The following FSTL5 variants were observed in gnomAD, a reference collection of about 807,000 sequenced individuals.
The protein encoded by FSTL5 is follistatin-related protein 5.
A neutral mutation model predicts 89.1 loss-of-function variants in FSTL5; 62 were observed. The observed-to-expected ratio is 0.70, with a 90% CI of 0.57 to 0.86. FSTL5 has a LOEUF of 0.86. FSTL5 is among the 40% of genes least tolerant of loss of function. The probability of loss-of-function intolerance (pLI) is 0.00; values close to 1 mark genes in which losing one functional copy is unlikely to be tolerated. For synonymous variants in FSTL5, 383 were observed against 346.2 expected (o/e 1.11, Z -1.18); for missense variants, 1,057 against 1,001.6 (o/e 1.06, Z -0.75).
chr4:161,409,948 T>C (rs1210693857), intron 15 of FSTL5, among the ~76,000 whole-genome samples: 1 of 152,038 alleles, frequency 6.6e-6, no homozygotes, highest in African/African-American at 2.4e-5. Flanking sequence ...GCACGTTGCA[T>C]AAAAAAACAA....
intron 4 of FSTL5, among the ~76,000 whole-genome samples, chr4:161,844,060 A>G (rs1731293007): frequency 2.0e-5 from 3 of 152,214 alleles, no homozygotes; most frequent in Admixed American, 1.3e-4. Context: ...GCAAAGGGCT[A>G]ATATCCAGAA....
chr4:161,556,484 T>A (rs1206506800), intron 8 of FSTL5, among the ~76,000 whole-genome samples: 1 of 151,578 alleles, frequency 6.6e-6, no homozygotes, highest in Non-Finnish European at 1.5e-5. Context: ...AGATTTTGAT[T>A]ACAAGCTATA....
At chr4:161,401,759 C>T (rs1443358094) in intron 15 of FSTL5, among the ~76,000 whole-genome samples, 6 of 152,136 alleles carry the variant, frequency 3.9e-5, no homozygotes. Context: ...CATCTCCTGA[C>T]CTCATGATCT....
chr4:162,133,914 C>G (rs1732417427), intron 1 of FSTL5, among the ~76,000 whole-genome samples: 1 of 152,204 alleles, frequency 6.6e-6, no homozygotes, highest in South Asian at 2.1e-4. Context: ...CTGAGATTCT[C>G]TGACGACCTT....
At chr4:162,151,787 A>G (rs1044384509) in intron 1 of FSTL5, among the ~76,000 whole-genome samples, 10 of 152,178 alleles carry the variant, frequency 6.6e-5, no homozygotes, top group African/African-American at 2.2e-4. Flanking sequence ...ATATTTAAAC[A>G]ATTCCGAATT....
intron 4 of FSTL5, among the ~76,000 whole-genome samples, chr4:161,851,137 T>C (rs922864379): frequency 6.6e-6 from 1 of 152,316 alleles, no homozygotes; most frequent in East Asian, 1.9e-4. Context: ...CTAGTAATTA[T>C]TATTCCTATT....
chr4:161,424,606 A>G (rs1021444173), intron 15 of FSTL5, among the ~76,000 whole-genome samples: 3 of 152,090 alleles, frequency 2.0e-5, no homozygotes, highest in African/African-American at 7.2e-5. Context: ...AAGAAAGGGA[A>G]TATTGCTTCT....
In FSTL5 at chr4:161,460,936, CATTGCATACTCTGTATGT is replaced by C. The variant is rs745335423; in HGVS notation, c.1609-1635_1609-1618del. Among the ~76,000 whole-genome samples the C allele has an allele frequency of 9.1e-4, 137 of 151,046 alleles. No individual in the cohort carries two copies. The Middle Eastern group carries it at 0.014, about 15-fold the overall frequency. On this transcript the variant is annotated intron_variant, in intron 13 of 15. Coordinates refer to ENST00000306100, the MANE Select transcript of FSTL5 (RefSeq NM_020116.5). ...CTCTTCAGAGGCTTAAGAGTGGTCA[CATTGCATACTCTGTATGT>C]ATTGCATACTCTGTATGTATTGTAG... is the stretch of plus-strand genomic sequence containing the variant.
In FSTL5 at chr4:161,455,074, C is replaced by T. The variant is rs746586587; in HGVS notation, c.1771G>A (p.Val591Met). 9 of 1,613,392 alleles carry T rather than the reference C, an allele frequency of 5.6e-6. No individual in the cohort carries two copies. The African/African-American group carries it at 9.3e-5, about 17-fold the overall frequency. ...VPHHTIHTQPVGKQFDRVDDF... is the reference protein window; with the variant it reads ...VPHHTIHTQPMGKQFDRVDDF... ...TCCACTCTGTCAAATTGCTTTCCCA[C>T]TGGTTGGGTGTGGATCGTGTGGTGA... The change falls in exon 15 of 16, where the codon GTG becomes ATG. Residue 591 changes from valine to methionine, a missense_variant. Coordinates refer to ENST00000306100, the MANE Select transcript of FSTL5 (RefSeq NM_020116.5).
Position 162,079,334 on chromosome 4 carries a change from CAT to C in FSTL5, c.126+31935_126+31936del, listed in dbSNP as rs1729993984. Among the ~76,000 whole-genome samples, 5 of 151,696 alleles carry C rather than the reference CAT, an allele frequency of 3.3e-5. No individual in the cohort carries two copies. The Admixed American group carries it at 3.3e-4, about 10-fold the overall frequency. On this transcript the variant is annotated intron_variant, in intron 2 of 15. Transcript: ENST00000306100. ...ATTTCTGGGCATATCATTATGGAAA[CAT>C]GACTTCTGGAGATAGAGTAGAGAAG...
intron 3 of FSTL5, among the ~76,000 whole-genome samples, chr4:161,992,968 G>GTGTA (rs1553989570): frequency 1.9e-5 from 2 of 107,676 alleles, no homozygotes; most frequent in Non-Finnish European, 4.0e-5. Context: ...ATATATGTGT[G>GTGTA]TATATATATA....
chr4:161,849,651 CAT>C (rs771441495), intron 4 of FSTL5, among the ~76,000 whole-genome samples: 3 of 151,808 alleles, frequency 2.0e-5, no homozygotes, highest in Admixed American at 6.6e-5. Context: ...AATGACTCGA[CAT>C]GTGAAGATTA....
intron 3 of FSTL5, among the ~76,000 whole-genome samples, chr4:161,963,719 A>G (rs986331696): frequency 6.6e-6 from 1 of 151,968 alleles, no homozygotes; most frequent in Non-Finnish European, 1.5e-5. Context: ...CTTTCAACAT[A>G]ATGTACATAC....
chr4:161,474,083 G>A (rs1260209034), intron 13 of FSTL5, among the ~76,000 whole-genome samples: 3 of 151,880 alleles, frequency 2.0e-5, no homozygotes, highest in East Asian at 3.9e-4. Flanking sequence ...GTAATGAAAT[G>A]TTTAAATTTC....
intron 6 of FSTL5, among the ~76,000 whole-genome samples, chr4:161,694,659 C>T (rs1449735172): frequency 2.6e-5 from 4 of 151,918 alleles, no homozygotes; most frequent in African/African-American, 7.2e-5. Flanking sequence ...TTATTTTTTT[C>T]CCCATGAATG....
At chr4:161,755,589 T>C (rs185795770) in intron 6 of FSTL5, among the ~76,000 whole-genome samples, 30 of 152,198 alleles carry the variant, frequency 2.0e-4, no homozygotes, top group African/African-American at 5.5e-4. Context: ...AAGGCTTTTC[T>C]AGCTTTCTGA....
chr4:161,742,070 T>C (rs894479832), intron 6 of FSTL5, among the ~76,000 whole-genome samples: 3 of 152,082 alleles, frequency 2.0e-5, no homozygotes, highest in African/African-American at 4.8e-5. Context: ...TGGGGCATTT[T>C]TGGATAATAC....
intron 4 of FSTL5, among the ~76,000 whole-genome samples, chr4:161,874,696 T>C (rs1732383622): frequency 6.6e-6 from 1 of 152,058 alleles, no homozygotes; most frequent in Admixed American, 6.6e-5. Flanking sequence ...AATCTTCTTT[T>C]CGGCTGCGTT....
intron 2 of FSTL5, among the ~76,000 whole-genome samples, chr4:162,074,855 C>T (rs921368147): frequency 6.6e-6 from 1 of 151,704 alleles, no homozygotes; most frequent in Non-Finnish European, 1.5e-5. Context: ...GCCTACTAAA[C>T]ATCATACCTT....
Sources: allele counts gnomAD v4.1 joint callset (sites outside exome capture counted in the v4.1 genomes callset), GRCh38; gene constraint gnomAD v4.1.1; transcripts MANE v1.5; gene names NCBI Gene and HGNC (gene_info 2026-07-23, HGNC 2026-07-21).